Variants in PLCE1 observed in about 807,000 individuals in gnomAD.
PLCE1 encodes phospholipase C epsilon 1.
Under a neutral mutation model 242.8 loss-of-function variants are expected in PLCE1, and 119 were observed. That is an observed-to-expected ratio of 0.49 (90% CI 0.42 to 0.57). PLCE1 has a LOEUF of 0.57. Ranked by LOEUF, PLCE1 falls within the 20% of genes least tolerant of loss-of-function variation. The probability of loss-of-function intolerance (pLI) is 0.00; values close to 1 mark genes in which losing one functional copy is unlikely to be tolerated. For missense variants in PLCE1, 2,441 were observed against 2,788.8 expected (o/e 0.88, Z 2.81); for synonymous variants, 945 against 1,017.4 (o/e 0.93, Z 1.35).
intron 29 of PLCE1, among the ~76,000 whole-genome samples, chr10:94,321,520 C>G (rs2053800588): frequency 6.6e-6 from 1 of 151,578 alleles, no homozygotes; most frequent in African/African-American, 2.4e-5. Context: ...CCCAGCTAGT[C>G]AGGAGGCTGA....
chr10:94,033,317 T>C (rs956160314), intron 2 of PLCE1, among the ~76,000 whole-genome samples: 1 of 151,976 alleles, frequency 6.6e-6, no homozygotes, highest in Non-Finnish European at 1.5e-5. Context: ...ATAGTATGGA[T>C]TTCTTGAAAT....
chr10:94,076,968 G>A (rs2044521967), intron 2 of PLCE1, among the ~76,000 whole-genome samples: 1 of 152,180 alleles, frequency 6.6e-6, no homozygotes, highest in Non-Finnish European at 1.5e-5. Context: ...AGTGGATAAA[G>A]TACAAGAGGA....
chr10:94,051,029 T>G (rs1325126418), intron 2 of PLCE1, among the ~76,000 whole-genome samples: 1 of 152,012 alleles, frequency 6.6e-6, no homozygotes, highest in East Asian at 1.9e-4. Context: ...GTATTAATAT[T>G]TAGTTTGTGA....
chr10:94,195,604 A>G (rs960372583), intron 4 of PLCE1, among the ~76,000 whole-genome samples: 3 of 152,186 alleles, frequency 2.0e-5, no homozygotes, highest in African/African-American at 4.8e-5. Context: ...ATAGAAAAAG[A>G]TCATGACATT....
chr10:94,230,664 G>T (rs953447123), intron 5 of PLCE1, among the ~76,000 whole-genome samples: 2 of 152,016 alleles, frequency 1.3e-5, no homozygotes, highest in African/African-American at 4.8e-5. Context: ...AGGCTGGAGT[G>T]CAGGAGCAAG....
intron 2 of PLCE1, chr10:94,105,861 G>A (rs2045710924): frequency 1.3e-5 from 2 of 151,966 alleles, no homozygotes; most frequent in Non-Finnish European, 2.9e-5. Flanking sequence ...AAAATTTATT[G>A]TTTACCAATA....
At chr10:94,095,250 G>A (rs576584183) in intron 2 of PLCE1, among the ~76,000 whole-genome samples, 2 of 152,326 alleles carry the variant, frequency 1.3e-5, no homozygotes, top group South Asian at 2.1e-4. Context: ...TCTTCACATC[G>A]TAGGATCCCC....
intron 18 of PLCE1, 94 bp from the exon 19 acceptor site, chr10:94,273,468 A>G (rs1177763365): frequency 1.7e-6 from 2 of 1,197,980 alleles, no homozygotes; most frequent in Non-Finnish European, 2.4e-6. Context: ...TAATTCAACC[A>G]GTCTAAAATA....
intron 6 of PLCE1, among the ~76,000 whole-genome samples, chr10:94,235,455 G>A (rs910625129): frequency 1.3e-5 from 2 of 152,158 alleles, no homozygotes; most frequent in Non-Finnish European, 2.9e-5. Context: ...CCAGGAAGAA[G>A]CCACTGTGTT....
intron 2 of PLCE1, among the ~76,000 whole-genome samples, chr10:94,112,738 A>G (rs775788336): frequency 2.6e-5 from 4 of 152,216 alleles, no homozygotes; most frequent in Non-Finnish European, 5.9e-5. Flanking sequence ...CAGTTTGAGA[A>G]CCACTGCACT....
intron 2 of PLCE1, among the ~76,000 whole-genome samples, chr10:94,077,708 A>G (rs574280815): frequency 1.2e-4 from 19 of 152,346 alleles, no homozygotes; most frequent in African/African-American, 4.1e-4. Flanking sequence ...TCAAGGCTAC[A>G]GTGAACTATG....
intron 3 of PLCE1, among the ~76,000 whole-genome samples, chr10:94,147,044 T>A (rs2047134588): frequency 6.6e-6 from 1 of 152,182 alleles, no homozygotes; most frequent in African/African-American, 2.4e-5. Flanking sequence ...TCTACACGCA[T>A]AATGTAGAGA....
intron 25 of PLCE1, among the ~76,000 whole-genome samples, chr10:94,305,177 C>G (rs2053159606): frequency 6.6e-6 from 1 of 152,162 alleles, no homozygotes; most frequent in Admixed American, 6.5e-5. Context: ...GCCTGTAATC[C>G]TAGCAATTTG....
intron 2 of PLCE1, among the ~76,000 whole-genome samples, chr10:94,039,617 C>T (rs1425305456): frequency 1.3e-5 from 2 of 152,166 alleles, no homozygotes; most frequent in Non-Finnish European, 2.9e-5. Context: ...AACTCCTGAC[C>T]TCAGGTGATC....
chr10:94,110,874 C>T (rs923097559), intron 2 of PLCE1, among the ~76,000 whole-genome samples: 6 of 152,212 alleles, frequency 3.9e-5, no homozygotes, highest in South Asian at 4.1e-4. Flanking sequence ...TCAACCTCAG[C>T]TAGTTGTGGG....
chr10:94,022,635 C>A (rs1161656873), intron 1 of PLCE1, among the ~76,000 whole-genome samples: 3 of 151,732 alleles, frequency 2.0e-5, no homozygotes, highest in African/African-American at 7.3e-5. Context: ...CTGTATAGGC[C>A]CCCCTTTTTT....
rs565962115 is a variant in PLCE1, at chr10:94,017,433, G to A, written c.-364-13250G>A. On this transcript the variant is annotated intron_variant, in intron 1 of 32. Coordinates refer to ENST00000371380, the MANE Select transcript of PLCE1 (RefSeq NM_016341.4). The stretch of plus-strand genomic sequence containing the variant: ...GCTAAAATGAACTTTGAGTTTTAAC[G>A]AGGTATTCTATTTGCATTTTTAATT... Among the ~76,000 whole-genome samples the A allele has an allele frequency of 2.0e-4, 30 of 152,184 alleles. 1 individual carries two copies. In the South Asian group the frequency reaches 4.8e-3, roughly 24 times the overall value.
Position 94,322,077 on chromosome 10 carries a change from C to T in PLCE1, c.6501+18C>T, listed in dbSNP as rs76861037. 6.8e-4 allele frequency: 1,089 copies of T among 1,611,772 alleles called. 7 individuals carry two copies. The African/African-American group carries it at 7.8e-3, about 12-fold the overall frequency. On this transcript the variant is annotated intron_variant, in intron 30 of 32. Transcript: ENST00000371380. ...TTCAGCAGGTAAAAGCCTCTCCCTTCCTCACCTGAGTCCTTTCCTCAGCAT... is the reference window on the plus strand; with the variant it reads ...TTCAGCAGGTAAAAGCCTCTCCCTTTCTCACCTGAGTCCTTTCCTCAGCAT...
At chr10:94,308,087 T>A (rs2133663174) in intron 26 of PLCE1, among the ~76,000 whole-genome samples, 1 of 152,372 alleles carries the variant, frequency 6.6e-6, no homozygotes, top group Admixed American at 6.5e-5. Flanking sequence ...CACTTACTAA[T>A]GTATACAGTG....
Sources: allele counts gnomAD v4.1 joint callset (sites outside exome capture counted in the v4.1 genomes callset), GRCh38; gene constraint gnomAD v4.1.1; transcripts MANE v1.5; gene names NCBI Gene and HGNC (gene_info 2026-07-23, HGNC 2026-07-21).